Variants in PTK2 observed in about 807,000 individuals in gnomAD.
PTK2 encodes focal adhesion kinase 1.
In PTK2, 45 loss-of-function variants were observed where a neutral mutation model predicts 150.1. The ratio of observed to expected loss-of-function variants is 0.30; its 90% CI spans 0.24 to 0.38. The LOEUF (loss-of-function observed/expected upper bound fraction) is 0.38, where lower values mean the gene tolerates loss of function less well. Ranked by LOEUF, PTK2 falls within the 10% of genes least tolerant of loss-of-function variation. The probability of loss-of-function intolerance (pLI) is 1.00; values close to 1 mark genes in which losing one functional copy is unlikely to be tolerated. For missense variants in PTK2, 919 were observed against 1,307.3 expected, an observed-to-expected ratio of 0.70 and a Z score of 4.58; for synonymous variants, 432 against 449.2, an observed-to-expected ratio of 0.96 and a Z score of 0.48.
At chr8:140,957,596 G>C (rs1156614643) in intron 1 of PTK2, among the ~76,000 whole-genome samples, 1 of 152,098 alleles carries the variant, frequency 6.6e-6, no homozygotes, top group Non-Finnish European at 1.5e-5. Flanking sequence ...CACACTCACT[G>C]ACTCACCCAG....
intron 14 of PTK2, among the ~76,000 whole-genome samples, chr8:140,788,792 A>G (rs187835654): frequency 3.9e-5 from 6 of 152,358 alleles, no homozygotes; most frequent in East Asian, 1.9e-4. Flanking sequence ...ATGCACATAT[A>G]TAAGAACAAA....
At chr8:140,743,443 GAGC>G (rs1299014762) in intron 19 of PTK2, 113 bp from the exon 23 acceptor site, 1 of 617,250 alleles carries the variant, frequency 1.6e-6, no homozygotes, top group African/African-American at 1.8e-5. Flanking sequence ...TATACAATGC[GAGC>G]AGATTATATG....
intron 1 of PTK2, among the ~76,000 whole-genome samples, chr8:140,970,662 G>A (rs1411723153): frequency 6.6e-6 from 1 of 152,166 alleles, no homozygotes; most frequent in Non-Finnish European, 1.5e-5. Context: ...GAACTCAACA[G>A]CCACCTGACA....
intron 8 of PTK2, among the ~76,000 whole-genome samples, chr8:140,822,567 T>C (rs2100109414): frequency 6.6e-6 from 1 of 152,248 alleles, no homozygotes; most frequent in Admixed American, 6.5e-5. Flanking sequence ...AACTACTTGA[T>C]TTCTTTTTAC....
At chr8:140,891,795 A>G (rs1426329104) in intron 2 of PTK2, among the ~76,000 whole-genome samples, 2 of 152,252 alleles carry the variant, frequency 1.3e-5, no homozygotes, top group Non-Finnish European at 2.9e-5. Flanking sequence ...GGAAACAGGA[A>G]TAAGACTTCA....
chr8:140,735,499 GAA>G (rs1451879889), intron 21 of PTK2, 44 bp from the exon 25 acceptor site: 1 of 1,581,874 alleles, frequency 6.3e-7, no homozygotes, highest in Non-Finnish European at 8.7e-7. Context: ...TCAGTATGAA[GAA>G]TGTAACTCCC....
chr8:140,685,851 A>T (rs1053813519), intron 27 of PTK2, among the ~76,000 whole-genome samples: 2 of 152,216 alleles, frequency 1.3e-5, no homozygotes, highest in Non-Finnish European at 2.9e-5. Context: ...CTTAAAACAG[A>T]AGTAGCATTT....
chr8:140,917,056 C>G lies in PTK2; in HGVS notation c.-33+8605G>C, dbSNP rs759917250. 8.5e-5 allele frequency among the ~76,000 whole-genome samples: 13 copies of G among 152,252 alleles called. No homozygotes were observed. The South Asian group carries it at 2.7e-3, about 32-fold the overall frequency. Reference sequence around the variant, plus strand: ...TTAGCTATTACTATAAGAAGCACAGCTCTCTTTTAAAATGCCATGATTTGA... The same window carrying G: ...TTAGCTATTACTATAAGAAGCACAGGTCTCTTTTAAAATGCCATGATTTGA... On this transcript the variant is annotated intron_variant, in intron 2 of 31. Transcript: ENST00000522684.
chr8:140,899,559 A>G (rs2100157627), intron 2 of PTK2, among the ~76,000 whole-genome samples: 1 of 152,212 alleles, frequency 6.6e-6, no homozygotes, highest in Non-Finnish European at 1.5e-5. Flanking sequence ...TCTTCTACTC[A>G]AAAATATTGA....
chr8:140,667,031 A>G (rs1395123715), intron 30 of PTK2, among the ~76,000 whole-genome samples: 2 of 152,222 alleles, frequency 1.3e-5, no homozygotes. Context: ...AGACAAATAC[A>G]GTATGATTCC....
At chr8:140,835,305 G>A (rs184426116) in intron 7 of PTK2, among the ~76,000 whole-genome samples, 76 of 152,266 alleles carry the variant, frequency 5.0e-4, no homozygotes, top group African/African-American at 1.6e-3. Flanking sequence ...CAATATTTCT[G>A]AGAAGATTCT....
intron 4 of PTK2, 22 bp downstream of exon 4, chr8:140,879,449 C>A: frequency 6.3e-7 from 1 of 1,584,824 alleles, no homozygotes; most frequent in South Asian, 1.2e-5. Context: ...GTGCATCACA[C>A]CAAAGCAGGT....
intron 2 of PTK2, among the ~76,000 whole-genome samples, chr8:140,902,946 T>TTTTG (rs1568519457): frequency 7.0e-6 from 1 of 143,206 alleles, no homozygotes; most frequent in Non-Finnish European, 1.5e-5. Flanking sequence ...TTTTTTTTTT[T>TTTTG]TTTTTTTTTT....
intron 22 of PTK2, chr8:140,732,710 C>T: frequency 2.6e-6 from 1 of 386,492 alleles, no homozygotes; most frequent in Non-Finnish European, 5.3e-6. Context: ...ACTGTAGGTG[C>T]TCAACAGTGT....
intron 7 of PTK2, among the ~76,000 whole-genome samples, chr8:140,845,292 G>A (rs2100124696): frequency 1.3e-5 from 2 of 151,992 alleles, no homozygotes; most frequent in Non-Finnish European, 2.9e-5. Context: ...GTAATGACCT[G>A]GTCCCTGTAT....
At chr8:140,756,981 T>G (rs1374074980) in intron 16 of PTK2, among the ~76,000 whole-genome samples, 2 of 149,354 alleles carry the variant, frequency 1.3e-5, no homozygotes, top group Non-Finnish European at 3.0e-5. Flanking sequence ...AGAGCGATAC[T>G]CCGTCTCAAA....
chr8:140,835,505 CCTCTAAATTATA>C (rs964274679), intron 7 of PTK2, among the ~76,000 whole-genome samples: 1 of 152,084 alleles, frequency 6.6e-6, no homozygotes, highest in African/African-American at 2.4e-5. Context: ...GGTACTTTCA[CCTCTAAATTATA>C]CTCAAGCTTC....
At chr8:140,927,975 A>AATATATATATATATATAT (rs1179717665) in intron 1 of PTK2, among the ~76,000 whole-genome samples, 16 of 48,182 alleles carry the variant, frequency 3.3e-4, no homozygotes, top group East Asian at 1.6e-3. Context: ...AAAAAAAAAA[A>AATATATATATATATATAT]ATATATATAT....
At chr8:140,659,703 A>G (rs1377677303) in intron 31 of PTK2, 25 bp from the exon 36 acceptor site, 3 of 1,576,346 alleles carry the variant, frequency 1.9e-6, no homozygotes. Context: ...ATAGGTCAGG[A>G]GAACTGTTTT....
Sources: allele counts gnomAD v4.1 joint callset (sites outside exome capture counted in the v4.1 genomes callset), GRCh38; gene constraint gnomAD v4.1.1; transcripts MANE v1.5; gene names NCBI Gene and HGNC (gene_info 2026-07-23, HGNC 2026-07-21).